The following CNTNAP2 variants were observed in gnomAD, a reference collection of about 807,000 sequenced individuals.
CNTNAP2 encodes the protein contactin associated protein 2.
In CNTNAP2, 98 loss-of-function variants were observed where a neutral mutation model predicts 155.2. The observed-to-expected ratio is 0.63, with a 90% CI of 0.54 to 0.75. The LOEUF (loss-of-function observed/expected upper bound fraction) is 0.75. CNTNAP2 is among the 30% of genes least tolerant of loss of function. The pLI, the probability that CNTNAP2 is intolerant of heterozygous loss-of-function variation, is 0.00. For synonymous variants in CNTNAP2, 651 were observed against 631.2 expected (o/e 1.03, Z -0.47); for missense variants, 1,727 against 1,688.1 (o/e 1.02, Z -0.40).
intron 21 of CNTNAP2, among the ~76,000 whole-genome samples, chr7:148,336,851 C>T (rs1563048751): frequency 1.3e-5 from 2 of 152,196 alleles, no homozygotes; most frequent in African/African-American, 4.8e-5. Context: ...AAGAAACCTA[C>T]CAGGGCAGGC....
chr7:146,124,423 A>G (rs1163771783), intron 1 of CNTNAP2, among the ~76,000 whole-genome samples: 1 of 152,194 alleles, frequency 6.6e-6, no homozygotes, highest in Non-Finnish European at 1.5e-5. Context: ...GTCTATATAT[A>G]TATGTCTTTT....
chr7:147,871,842 C>A (rs1302283697), intron 13 of CNTNAP2, among the ~76,000 whole-genome samples: 1 of 152,208 alleles, frequency 6.6e-6, no homozygotes, highest in Non-Finnish European at 1.5e-5. Flanking sequence ...CCTCTCACAT[C>A]TGCTTCAATG....
intron 16 of CNTNAP2, among the ~76,000 whole-genome samples, chr7:148,119,242 G>A (rs763793578): frequency 1.4e-4 from 21 of 152,086 alleles, no homozygotes; most frequent in East Asian, 3.9e-4. Flanking sequence ...TCTCCCTTCC[G>A]GCCAGGCACG....
rs186981896 is a variant in CNTNAP2, at chr7:148,307,758, C to T, written c.3475+40632C>T. The stretch of plus-strand genomic sequence containing the variant: ...GGAGGTGGGCAGATCACCTGAGTTC[C>T]GGAGTTTGAGATCAGCCTGGGCAAC... On this transcript the variant is annotated intron_variant, in intron 21 of 23. Coordinates refer to ENST00000361727, the MANE Select transcript of CNTNAP2 (RefSeq NM_014141.6). 4.3e-3 allele frequency among the ~76,000 whole-genome samples: 651 copies of T among 152,118 alleles called. 13 individuals are homozygous for T. The highest frequency in any genetic ancestry group is 0.039 in the Admixed American group (601 of 15,270).
intron 20 of CNTNAP2, among the ~76,000 whole-genome samples, chr7:148,253,116 G>C (rs9640252): frequency 0.64 from 97,080 of 151,788 alleles, 31,644 homozygotes; most frequent in East Asian, 0.79. Flanking sequence ...GTTTTGTATA[G>C]ATCAATCCAA....
chr7:146,136,913 G>C (rs1348963927), intron 1 of CNTNAP2, among the ~76,000 whole-genome samples: 2 of 152,164 alleles, frequency 1.3e-5, no homozygotes, highest in Non-Finnish European at 2.9e-5. Flanking sequence ...AAAAGAAACA[G>C]ACAGAATGTT....
chr7:146,837,547 C>T (rs961371657), intron 2 of CNTNAP2, among the ~76,000 whole-genome samples: 4 of 152,062 alleles, frequency 2.6e-5, no homozygotes, highest in African/African-American at 7.2e-5. Context: ...TTTGGGGATA[C>T]ATTTCCATTG....
intron 15 of CNTNAP2, among the ~76,000 whole-genome samples, chr7:148,089,782 G>A (rs1439596105): frequency 1.3e-5 from 2 of 151,638 alleles, no homozygotes; most frequent in Admixed American, 6.6e-5. Flanking sequence ...AATAGGAAAA[G>A]TAATCCTAAA....
At chr7:147,034,375 C>A (rs992640211) in intron 3 of CNTNAP2, among the ~76,000 whole-genome samples, 7 of 152,138 alleles carry the variant, frequency 4.6e-5, no homozygotes, top group African/African-American at 1.4e-4. Flanking sequence ...CTTCAGTGCT[C>A]CCCTGCTCAA....
At chr7:147,646,266 A>G (rs926451085) in intron 13 of CNTNAP2, among the ~76,000 whole-genome samples, 1 of 152,162 alleles carries the variant, frequency 6.6e-6, no homozygotes, top group Non-Finnish European at 1.5e-5. Flanking sequence ...CAACAGTTCT[A>G]AGGCTTACCT....
chr7:147,033,779 C>T (rs1229740183), intron 3 of CNTNAP2, among the ~76,000 whole-genome samples: 9 of 146,318 alleles, frequency 6.2e-5, no homozygotes, highest in African/African-American at 1.8e-4. Context: ...ATGAAGTAAT[C>T]ACAATTGAGT....
chr7:147,506,534 C>A (rs576159907), intron 11 of CNTNAP2, among the ~76,000 whole-genome samples: 1 of 152,328 alleles, frequency 6.6e-6, no homozygotes, highest in Admixed American at 6.5e-5. Context: ...GGATTACAGG[C>A]GTGAGCCACC....
intron 23 of CNTNAP2, among the ~76,000 whole-genome samples, chr7:148,414,155 C>T (rs1799924684): frequency 6.7e-6 from 1 of 148,554 alleles, no homozygotes; most frequent in South Asian, 2.2e-4. Context: ...TGGCTCACTG[C>T]AGCCTCCGCC....
rs77789547 is a variant in CNTNAP2, at chr7:148,383,758, G to A, written c.3585G>A (p.Arg1195=). 5.2e-4 allele frequency: 844 copies of A among 1,614,140 alleles called. 8 individuals are homozygous for A. The African/African-American group carries it at 0.011, about 20-fold the overall frequency. The change falls in exon 22 of 24, where the codon AGG becomes AGA. Residue 1195 remains arginine, a synonymous_variant. Coordinates refer to ENST00000361727, the MANE Select transcript of CNTNAP2 (RefSeq NM_014141.6). The part of the protein sequence containing the change: ...NQIAPLKAAL[R]QTNASAHVHI... ...TCGCCCCTCTCAAGGCCGCCTTGAG[G>A]CAGACAAACGCCTCGGCTCACGTCC...
intron 13 of CNTNAP2, among the ~76,000 whole-genome samples, chr7:147,659,612 A>G (rs1336063333): frequency 6.6e-6 from 1 of 152,240 alleles, no homozygotes; most frequent in Admixed American, 6.5e-5. Flanking sequence ...AAGGAAGATA[A>G]GAGAGAAGAA....
At chr7:147,358,811 A>T (rs1426168789) in intron 9 of CNTNAP2, among the ~76,000 whole-genome samples, 1 of 152,124 alleles carries the variant, frequency 6.6e-6, no homozygotes, top group Admixed American at 6.6e-5. Context: ...CACCTTAAGC[A>T]TTTATTTCTG....
chr7:146,774,421 A>AC, intron 2 of CNTNAP2, 40 bp downstream of exon 2: 1 of 1,345,338 alleles, frequency 7.4e-7, no homozygotes, highest in Non-Finnish European at 1.1e-6. Flanking sequence ...AAACATGTTA[A>AC]ATAAGAACAT....
chr7:146,421,664 T>C (rs1796013657), intron 1 of CNTNAP2, among the ~76,000 whole-genome samples: 1 of 151,960 alleles, frequency 6.6e-6, no homozygotes. Flanking sequence ...AATATCTAGA[T>C]GTATTAAAAG....
intron 9 of CNTNAP2, among the ~76,000 whole-genome samples, chr7:147,380,260 G>GA (rs200364174): frequency 0.022 from 3,274 of 149,414 alleles, 113 homozygotes; most frequent in African/African-American, 0.073. Flanking sequence ...TTATAATCTT[G>GA]AAAAAAAAAC....
Sources: allele counts gnomAD v4.1 joint callset (sites outside exome capture counted in the v4.1 genomes callset), GRCh38; gene constraint gnomAD v4.1.1; transcripts MANE v1.5; gene names NCBI Gene and HGNC (gene_info 2026-07-23, HGNC 2026-07-21).